The following ICA1L variants were observed in gnomAD, a reference collection of about 807,000 sequenced individuals.
The protein encoded by ICA1L is islet cell autoantigen 1-like protein.
In ICA1L, 50 loss-of-function variants were observed where a neutral mutation model predicts 61.3. The ratio of observed to expected loss-of-function variants is 0.82; its 90% CI spans 0.65 to 1.03. ICA1L has a LOEUF of 1.03. Among genes scored for constraint, ICA1L ranks in the 50% least tolerant of loss-of-function variants. ICA1L has a pLI of 0.00. For missense variants in ICA1L, 508 were observed against 556.7 expected, an observed-to-expected ratio of 0.91 and a Z score of 0.88; for synonymous variants, 161 against 191.3, an observed-to-expected ratio of 0.84 and a Z score of 1.31.
chr2:202,786,275 G>A (rs143911965), intron 11 of ICA1L, among the ~76,000 whole-genome samples: 13,953 of 152,248 alleles, frequency 0.092, 755 homozygotes, highest in Non-Finnish European at 0.13. Flanking sequence ...GGCCGGGCGC[G>A]GTGGCTCACG....
chr2:202,842,855 A>G (rs1694369173), intron 1 of ICA1L, among the ~76,000 whole-genome samples: 1 of 152,030 alleles, frequency 6.6e-6, no homozygotes, highest in Non-Finnish European at 1.5e-5. Flanking sequence ...CTCTGACTGT[A>G]TGTTTTGAAA....
intron 1 of ICA1L, among the ~76,000 whole-genome samples, chr2:202,865,243 C>A (rs1470596069): frequency 6.6e-6 from 1 of 151,312 alleles, no homozygotes; most frequent in South Asian, 2.1e-4. Flanking sequence ...CCGAGGCGGG[C>A]GGGTCACTTG....
At chr2:202,855,025 A>C (rs1249554541) in intron 1 of ICA1L, among the ~76,000 whole-genome samples, 1 of 152,174 alleles carries the variant, frequency 6.6e-6, no homozygotes, top group Non-Finnish European at 1.5e-5. Flanking sequence ...CATGGAAACT[A>C]AACAATCTGC....
Position 202,785,926 on chromosome 2 carries a change from A to C in ICA1L, c.1325T>G (p.Leu442Ter). Residue 442 changes from leucine to a stop codon, truncating the protein, a stop_gained, in exon 12 of 13, where the codon TTA becomes TGA. Transcript: ENST00000358299. LOFTEE classifies it high-confidence loss of function. ...QPVPSQSPKK[L>*]TRSPNNGNQD... ...ATAAATAAATAACTTACATCTTGTTAATTTCTTTGGACTCTGTGAAGGCAC... is the reference window on the plus strand; with the variant it reads ...ATAAATAAATAACTTACATCTTGTTCATTTCTTTGGACTCTGTGAAGGCAC... 1.3e-6 allele frequency: 2 copies of C among 1,559,394 alleles called. No individual in the cohort carries two copies. Among genetic ancestry groups the C allele is most frequent in the Non-Finnish European group, 1.8e-6 (2 of 1,135,046 alleles).
intron 9 of ICA1L, among the ~76,000 whole-genome samples, chr2:202,808,472 C>G (rs575768264): frequency 1.4e-4 from 22 of 152,302 alleles, no homozygotes; most frequent in African/African-American, 4.8e-4. Flanking sequence ...AGGTTCCTGA[C>G]TCTAGGCCCT....
chr2:202,797,666 C>T (rs933146196), intron 9 of ICA1L, among the ~76,000 whole-genome samples: 8 of 151,596 alleles, frequency 5.3e-5, no homozygotes, highest in Non-Finnish European at 1.0e-4. Context: ...GGATTACAGG[C>T]ATGCGCCACC....
intron 4 of ICA1L, chr2:202,820,153 C>T (rs543764523): frequency 4.2e-5 from 17 of 403,098 alleles, no homozygotes; most frequent in Non-Finnish European, 6.4e-5. Flanking sequence ...GTGGGCAGAT[C>T]GCCTGAGGTC....
At chr2:202,865,970 G>A (rs1363772276) in intron 1 of ICA1L, among the ~76,000 whole-genome samples, 1 of 151,990 alleles carries the variant, frequency 6.6e-6, no homozygotes, top group African/African-American at 2.4e-5. Context: ...TAATAACATC[G>A]AAAGTCATGA....
At chr2:202,823,354 C>T (rs1005133390) in intron 3 of ICA1L, among the ~76,000 whole-genome samples, 1 of 152,190 alleles carries the variant, frequency 6.6e-6, no homozygotes, top group African/African-American at 2.4e-5. Flanking sequence ...CATATTTATA[C>T]ACAATCTTGA....
chr2:202,774,523 A>G lies in ICA1L; in HGVS notation c.*5010T>C. On this transcript the variant is annotated 3_prime_UTR_variant, in exon 13 of 13. Coordinates refer to ENST00000358299, the MANE Select transcript of ICA1L (RefSeq NM_001288622.3). ...GGTCAGTGAGGTTTAGCCACAAGAG[A>G]TATCACAGGAGAGACACAGGAAAAA... 1 of 420,736 alleles carries G rather than the reference A, an allele frequency of 2.4e-6. No individual in the cohort carries two copies. The highest frequency in any genetic ancestry group is 4.3e-5 in the South Asian group (1 of 23,288). The allele number at this position is 420,736 out of a possible 1,614,324, so 26.1% of individuals were successfully genotyped here.
At chr2:202,851,069 G>C (rs186467859) in intron 1 of ICA1L, among the ~76,000 whole-genome samples, 1 of 150,780 alleles carries the variant, frequency 6.6e-6, no homozygotes, top group African/African-American at 2.4e-5. Context: ...GTGCAGGTTT[G>C]TTACATATGT....
intron 1 of ICA1L, among the ~76,000 whole-genome samples, chr2:202,854,108 G>C (rs552776143): frequency 6.6e-6 from 1 of 152,082 alleles, no homozygotes; most frequent in South Asian, 2.1e-4. Flanking sequence ...AAATTGGATA[G>C]AGTCAAGACC....
chr2:202,780,034 T>TTGAG (rs1432900556), intron 12 of ICA1L, among the ~76,000 whole-genome samples: 2 of 152,160 alleles, frequency 1.3e-5, no homozygotes, highest in African/African-American at 2.4e-5. Flanking sequence ...GAGAAAGGAA[T>TTGAG]TGAGTTAAAA....
chr2:202,829,404 A>T (rs919771655), intron 1 of ICA1L, among the ~76,000 whole-genome samples: 3 of 152,182 alleles, frequency 2.0e-5, no homozygotes, highest in African/African-American at 7.2e-5. Context: ...CTCAATAAAT[A>T]TGTTTAGCTA....
chr2:202,870,253 T>C (rs963920740), intron 1 of ICA1L, among the ~76,000 whole-genome samples: 3 of 152,208 alleles, frequency 2.0e-5, no homozygotes, highest in African/African-American at 4.8e-5. Flanking sequence ...TATATTTTTA[T>C]GATATTTATA....
At chr2:202,832,789 AAAT>A (rs1188080870) in intron 1 of ICA1L, among the ~76,000 whole-genome samples, 3 of 152,104 alleles carry the variant, frequency 2.0e-5, no homozygotes, top group Non-Finnish European at 4.4e-5. Flanking sequence ...CCTCTTAAAA[AAAT>A]AATAATAACT....
chr2:202,775,496 A>G lies in ICA1L; in HGVS notation c.*4037T>C, dbSNP rs1426902207. 1 of 152,212 alleles carries G rather than the reference A, an allele frequency of 6.6e-6. No homozygotes were observed. Among genetic ancestry groups the G allele is most frequent in the Non-Finnish European group, 1.5e-5 (1 of 68,044 alleles). The allele number at this position is 152,212 out of a possible 1,614,324, so 9.4% of individuals were successfully genotyped here. On this transcript the variant is annotated 3_prime_UTR_variant, in exon 13 of 13. Transcript: ENST00000358299. ...CCCATATCTTACATAGTCCCCTTGTATATGAAATAAGAACGAATTCATCTC... is the reference window on the plus strand; with the variant it reads ...CCCATATCTTACATAGTCCCCTTGTGTATGAAATAAGAACGAATTCATCTC...
At chr2:202,858,332 G>GA (rs1289654554) in intron 1 of ICA1L, among the ~76,000 whole-genome samples, 3 of 152,212 alleles carry the variant, frequency 2.0e-5, no homozygotes, top group Non-Finnish European at 4.4e-5. Context: ...GGACATGGAT[G>GA]AAGCTGGAAA....
At chr2:202,847,351 T>G (rs1465299603) in intron 1 of ICA1L, among the ~76,000 whole-genome samples, 1 of 152,182 alleles carries the variant, frequency 6.6e-6, no homozygotes, top group African/African-American at 2.4e-5. Flanking sequence ...ACATCTTGAA[T>G]CTGAAATGAT....
Sources: gnomAD v4.1 joint callset for allele counts (sites outside exome capture counted in the v4.1 genomes callset) on GRCh38, gnomAD v4.1.1 for gene constraint, MANE v1.5 for transcripts, NCBI Gene and HGNC (gene_info 2026-07-23, HGNC 2026-07-21) for gene names.